PTPRT: variants seen among roughly 807,000 people sequenced by gnomAD.
PTPRT encodes the protein receptor-type tyrosine-protein phosphatase T.
A neutral mutation model predicts 176.8 loss-of-function variants in PTPRT; 56 were observed. The ratio of observed to expected loss-of-function variants is 0.32; its 90% CI spans 0.26 to 0.40. The LOEUF (loss-of-function observed/expected upper bound fraction) is 0.40, where lower values mean the gene tolerates loss of function less well. Among genes scored for constraint, PTPRT ranks in the 10% least tolerant of loss-of-function variants. PTPRT has a pLI of 1.00. For missense variants in PTPRT, 1,540 were observed against 1,908.2 expected (o/e 0.81, Z 3.60); for synonymous variants, 783 against 739.0 (o/e 1.06, Z -0.96).
chr20:42,130,563 C>T (rs1016941235), intron 18 of PTPRT, among the ~76,000 whole-genome samples: 25 of 152,296 alleles, frequency 1.6e-4, no homozygotes, highest in African/African-American at 5.5e-4. Flanking sequence ...GCAATGCACA[C>T]TAGAGTGGGA....
At chr20:42,753,267 C>T (rs1369458094) in intron 6 of PTPRT, among the ~76,000 whole-genome samples, 2 of 152,086 alleles carry the variant, frequency 1.3e-5, no homozygotes, top group East Asian at 3.9e-4. Context: ...CTCAACCTGG[C>T]TGTGCTAATT....
intron 2 of PTPRT, among the ~76,000 whole-genome samples, chr20:42,833,196 TA>T (rs1178093860): frequency 6.7e-6 from 1 of 150,222 alleles, no homozygotes. Flanking sequence ...ATTGAAATAG[TA>T]ACCAAATAGT....
intron 1 of PTPRT, among the ~76,000 whole-genome samples, chr20:43,019,662 T>C (rs1189349545): frequency 1.3e-5 from 2 of 150,070 alleles, no homozygotes; most frequent in Admixed American, 1.3e-4. Flanking sequence ...CCCAGCTGTG[T>C]CTGTGAGAAT....
chr20:42,839,005 T>C (rs1485641716), intron 2 of PTPRT, among the ~76,000 whole-genome samples: 1 of 152,132 alleles, frequency 6.6e-6, no homozygotes, highest in African/African-American at 2.4e-5. Context: ...CTGCTTGCCA[T>C]TGGCTACTTT....
chr20:42,441,108 C>T (rs1270119794), intron 9 of PTPRT, among the ~76,000 whole-genome samples: 3 of 152,190 alleles, frequency 2.0e-5, no homozygotes, highest in African/African-American at 4.8e-5. Flanking sequence ...TAAAATTCAC[C>T]AATACAGGAC....
intron 1 of PTPRT, among the ~76,000 whole-genome samples, chr20:42,965,976 C>T: frequency 6.6e-6 from 1 of 152,178 alleles, no homozygotes; most frequent in Non-Finnish European, 1.5e-5. Context: ...AAAAGTGTGT[C>T]ACTAAACACC....
chr20:42,835,099 A>G (rs2078158658), intron 2 of PTPRT, among the ~76,000 whole-genome samples: 1 of 152,226 alleles, frequency 6.6e-6, no homozygotes, highest in Admixed American at 6.5e-5. Flanking sequence ...AGGAAATTCC[A>G]AAACAAGTGA....
At chr20:42,873,433 G>A (rs1164618625) in intron 2 of PTPRT, among the ~76,000 whole-genome samples, 1 of 152,174 alleles carries the variant, frequency 6.6e-6, no homozygotes, top group African/African-American at 2.4e-5. Flanking sequence ...TATTCTCAAA[G>A]AGAGATATCC....
intron 11 of PTPRT, among the ~76,000 whole-genome samples, chr20:42,350,239 T>TTTTTTTTC (rs2058262133): frequency 7.2e-6 from 1 of 138,480 alleles, no homozygotes; most frequent in African/African-American, 2.6e-5. Flanking sequence ...TTTTTTTTTT[T>TTTTTTTTC]TTTTTTTGAG....
At chr20:42,222,563 AG>A (rs2055909898) in intron 15 of PTPRT, among the ~76,000 whole-genome samples, 1 of 152,152 alleles carries the variant, frequency 6.6e-6, no homozygotes, top group African/African-American at 2.4e-5. Flanking sequence ...CCTCATACCC[AG>A]GGGGAGGAAT....
At chr20:42,510,669 G>C (rs1476576970) in intron 7 of PTPRT, among the ~76,000 whole-genome samples, 3 of 152,084 alleles carry the variant, frequency 2.0e-5, no homozygotes, top group African/African-American at 7.2e-5. Flanking sequence ...GGGGTGGCAG[G>C]CAAGAATATA....
chr20:42,274,859 AT>A (rs2057002326), intron 13 of PTPRT, among the ~76,000 whole-genome samples: 1 of 152,190 alleles, frequency 6.6e-6, no homozygotes, highest in Non-Finnish European at 1.5e-5. Flanking sequence ...GCCAAAGACC[AT>A]CACATGCTAA....
intron 1 of PTPRT, among the ~76,000 whole-genome samples, chr20:42,986,380 T>C (rs1230648546): frequency 6.6e-6 from 1 of 152,178 alleles, no homozygotes; most frequent in Non-Finnish European, 1.5e-5. Context: ...CTGTCCATTT[T>C]AGGACGACCA....
chr20:42,892,612 G>T (rs6103090), intron 1 of PTPRT, among the ~76,000 whole-genome samples: 1 of 152,150 alleles, frequency 6.6e-6, no homozygotes, highest in African/African-American at 2.4e-5. Context: ...TGGAGATTAA[G>T]GTGATCTGCC....
chr20:43,163,859 C>T (rs1336018505), intron 1 of PTPRT, among the ~76,000 whole-genome samples: 1 of 152,132 alleles, frequency 6.6e-6, no homozygotes. Flanking sequence ...CACATCCGTT[C>T]CTCAACCTCT....
chr20:42,989,331 C>A (rs370715961), intron 1 of PTPRT, among the ~76,000 whole-genome samples: 1 of 152,212 alleles, frequency 6.6e-6, no homozygotes, highest in African/African-American at 2.4e-5. Flanking sequence ...CATGAAAACA[C>A]AGAGATCAGG....
At chr20:42,383,776 A>G (rs561780714) in intron 9 of PTPRT, among the ~76,000 whole-genome samples, 4 of 152,332 alleles carry the variant, frequency 2.6e-5, no homozygotes, top group African/African-American at 9.6e-5. Context: ...TAGATGTGAC[A>G]TCTTGAGTTT....
the PTPRT span, among the ~76,000 whole-genome samples, chr20:42,043,923 CTATT>C: frequency 9.2e-5 from 14 of 152,312 alleles, no homozygotes; most frequent in East Asian, 2.7e-3. Flanking sequence ...AAGGCCCAAA[CTATT>C]CATCTCAGCA....
chr20:43,004,614 C>T (rs1415127682), intron 1 of PTPRT, among the ~76,000 whole-genome samples: 3 of 152,190 alleles, frequency 2.0e-5, no homozygotes, highest in Non-Finnish European at 4.4e-5. Context: ...GGCATAGCTT[C>T]TAACAGAATA....
Sources: allele counts gnomAD v4.1 joint callset (sites outside exome capture counted in the v4.1 genomes callset), GRCh38; gene constraint gnomAD v4.1.1; transcripts MANE v1.5; gene names NCBI Gene and HGNC (gene_info 2026-07-23, HGNC 2026-07-21).